The following ACACA variants were observed in gnomAD, a reference collection of about 807,000 sequenced individuals.
The protein encoded by ACACA is acetyl-CoA carboxylase alpha, also known as acetyl-CoA carboxylase 1.
A neutral mutation model predicts 296.1 loss-of-function variants in ACACA; 103 were observed. That is an observed-to-expected ratio of 0.35 (90% CI 0.30 to 0.41). ACACA has a LOEUF of 0.41. ACACA is among the 10% of genes least tolerant of loss of function. The pLI, the probability that ACACA is intolerant of heterozygous loss-of-function variation, is 1.00. For synonymous variants in ACACA, 953 were observed against 1,038.6 expected (o/e 0.92, Z 1.58); for missense variants, 1,554 against 2,989.7 (o/e 0.52, Z 11.20).
intron 45 of ACACA, among the ~76,000 whole-genome samples, chr17:37,133,023 C>G (rs1427038672): frequency 6.6e-6 from 1 of 152,180 alleles, no homozygotes; most frequent in African/African-American, 2.4e-5. Context: ...TAGAAGAAAC[C>G]TAACCAGGGC....
chr17:37,188,251 C>A, intron 39 of ACACA, 26 bp downstream of exon 39: 1 of 1,609,314 alleles, frequency 6.2e-7, no homozygotes, highest in Non-Finnish European at 8.5e-7. Context: ...AATCAAAACT[C>A]TGAGGAGCCT....
At chr17:37,214,318 G>A (rs1341432347) in intron 29 of ACACA, among the ~76,000 whole-genome samples, 1 of 152,176 alleles carries the variant, frequency 6.6e-6, no homozygotes. Flanking sequence ...CAGTTCAGAT[G>A]CCCTGAGTCT....
intron 25 of ACACA, among the ~76,000 whole-genome samples, chr17:37,232,960 C>T (rs1465764739): frequency 1.3e-5 from 2 of 152,010 alleles, no homozygotes; most frequent in African/African-American, 4.8e-5. Context: ...GCTCTTTTCC[C>T]TAAAGAGCTC....
intron 25 of ACACA, among the ~76,000 whole-genome samples, chr17:37,228,970 CG>C (rs1280304134): frequency 2.0e-5 from 3 of 151,910 alleles, no homozygotes; most frequent in Non-Finnish European, 4.4e-5. Context: ...GGTTGAAACC[CG>C]TCTCTACTAA....
rs564964966 is a variant in ACACA at position 37,325,785 on chromosome 17, G to T, written c.338+4388C>A. 9.9e-5 allele frequency among the ~76,000 whole-genome samples: 15 copies of T among 151,784 alleles called. No individual in the cohort carries two copies. In the South Asian group the frequency reaches 3.1e-3, roughly 32 times the overall value. ...GATGGGGTTTCTCCATGTTGGTCAGGCTGGTCTTGAACTGCTGACTTCAGG... is the reference window on the plus strand; with the variant it reads ...GATGGGGTTTCTCCATGTTGGTCAGTCTGGTCTTGAACTGCTGACTTCAGG... On this transcript the variant is annotated intron_variant, in intron 3 of 55. Coordinates refer to ENST00000616317, the MANE Select transcript of ACACA (RefSeq NM_198834.3).
chr17:37,247,811 A>G (rs1423725730), intron 18 of ACACA, 200 bp downstream of exon 18: 12 of 627,948 alleles, frequency 1.9e-5, no homozygotes, highest in South Asian at 4.0e-5. Flanking sequence ...GTCCACATAC[A>G]CTGGAGTGGT....
At chr17:37,248,822 C>T in intron 16 of ACACA, 148 bp from the exon 17 acceptor site, 3 of 603,370 alleles carry the variant, frequency 5.0e-6, no homozygotes, top group Non-Finnish European at 9.1e-6. Flanking sequence ...GAATTGATCA[C>T]ATCAATTATG....
chr17:37,385,124 TCTACC>T, intron 1 of ACACA, among the ~76,000 whole-genome samples: 1 of 152,068 alleles, frequency 6.6e-6, no homozygotes, highest in Non-Finnish European at 1.5e-5. Flanking sequence ...TTACCCTCCT[TCTACC>T]CTTGCCCACC....
At chr17:37,284,531 C>T (rs1482385406) in intron 4 of ACACA, among the ~76,000 whole-genome samples, 1 of 152,200 alleles carries the variant, frequency 6.6e-6, no homozygotes, top group Non-Finnish European at 1.5e-5. Context: ...CAACCTTGAA[C>T]TCCTGGGCTC....
At chr17:37,274,730 G>T (rs2082204482) in intron 8 of ACACA, 5 of 936,756 alleles carry the variant, frequency 5.3e-6, no homozygotes, top group Non-Finnish European at 5.1e-6. Context: ...CCTCAGCAGA[G>T]TCATGATTCC....
chr17:37,193,703 T>G (rs1366841508), intron 35 of ACACA, among the ~76,000 whole-genome samples: 1 of 152,150 alleles, frequency 6.6e-6, no homozygotes, highest in Admixed American at 6.5e-5. Context: ...TGAAAAAAAT[T>G]TTTTTGCTAG....
chr17:37,190,140 T>G (rs1375706684), intron 38 of ACACA, among the ~76,000 whole-genome samples: 1 of 150,862 alleles, frequency 6.6e-6, no homozygotes, highest in African/African-American at 2.4e-5. Context: ...TAGAAAGAGT[T>G]AGAAGGGGCC....
At position 37,246,815 on chromosome 17, in the gene ACACA, A is replaced by T. The variant is rs1358144605; in HGVS notation, c.2460+11T>A. The T allele has an allele frequency of 3.1e-6, 5 of 1,613,174 alleles. No homozygotes were observed. The highest frequency in any genetic ancestry group is 1.7e-4 in the Middle Eastern group (1 of 6,058). ...CCTCCCATGATCCCACAGTCCTTTCACCACCCTGACCTCAATCTCAGCATA... is the reference window on the plus strand; with the variant it reads ...CCTCCCATGATCCCACAGTCCTTTCTCCACCCTGACCTCAATCTCAGCATA... On this transcript the variant is annotated intron_variant, in intron 19 of 55. Transcript: ENST00000616317.
intron 1 of ACACA, chr17:37,376,210 C>T (rs937182110): frequency 3.4e-5 from 49 of 1,424,298 alleles, no homozygotes; most frequent in African/African-American, 3.2e-4. Context: ...GAAAGAGTTT[C>T]GGGGTCTCTT....
At chr17:37,343,896 A>G (rs2048497689) in intron 1 of ACACA, among the ~76,000 whole-genome samples, 1 of 152,072 alleles carries the variant, frequency 6.6e-6, no homozygotes, top group African/African-American at 2.4e-5. Context: ...TTTATTTTAA[A>G]AACTATTTTA....
chr17:37,243,346 A>G (rs1274136517), intron 22 of ACACA, 25 bp downstream of exon 22: 1 of 1,609,502 alleles, frequency 6.2e-7, no homozygotes, highest in Non-Finnish European at 8.5e-7. Context: ...AGCCAGAAAA[A>G]AATATAGTGT....
intron 11 of ACACA, among the ~76,000 whole-genome samples, chr17:37,260,296 ATTTTTTTTTTT>A (rs1165828702): frequency 3.7e-4 from 7 of 18,978 alleles, no homozygotes; most frequent in East Asian, 2.3e-3. Flanking sequence ...ATATATATAT[ATTTTTTTTTTT>A]TTTTTTTTTG....
intron 41 of ACACA, among the ~76,000 whole-genome samples, chr17:37,171,042 T>C (rs1279942886): frequency 6.6e-6 from 1 of 152,212 alleles, no homozygotes; most frequent in Non-Finnish European, 1.5e-5. Context: ...CTCCACACTT[T>C]GACTTGAGCT....
intron 3 of ACACA, among the ~76,000 whole-genome samples, chr17:37,298,611 CAA>C (rs1421836480): frequency 2.0e-5 from 3 of 152,098 alleles, no homozygotes; most frequent in African/African-American, 7.2e-5. Context: ...CACTTGAGCC[CAA>C]GAGTTCAAGG....
Sources: gnomAD v4.1 joint callset for allele counts (sites outside exome capture counted in the v4.1 genomes callset) on GRCh38, gnomAD v4.1.1 for gene constraint, MANE v1.5 for transcripts, NCBI Gene and HGNC (gene_info 2026-07-23, HGNC 2026-07-21) for gene names.